Variants in SPPL2B observed in about 807,000 individuals in gnomAD.
SPPL2B encodes the protein signal peptide peptidase like 2B, also known as signal peptide peptidase-like 2B.
SPPL2B carries 39 observed loss-of-function variants against 59.7 expected under a neutral mutation model. The observed-to-expected ratio is 0.65, with a 90% CI of 0.51 to 0.85. The LOEUF is 0.85. Ranked by LOEUF, SPPL2B falls within the 40% of genes least tolerant of loss-of-function variation. The probability of loss-of-function intolerance (pLI) is 0.00; values close to 1 mark genes in which losing one functional copy is unlikely to be tolerated. For missense variants in SPPL2B, 865 were observed against 849.0 expected, an observed-to-expected ratio of 1.02 and a Z score of -0.23; for synonymous variants, 419 against 370.8, an observed-to-expected ratio of 1.13 and a Z score of -1.49.
rs768575382 is a variant in SPPL2B, at chr19:2,337,467, A to T, written c.211A>T (p.Thr71Ser). 1 of 1,608,650 alleles carries T rather than the reference A, an allele frequency of 6.2e-7. No homozygotes were observed. The highest frequency in any genetic ancestry group is 1.7e-5 in the Admixed American group (1 of 59,396). The change falls in exon 3 of 15, where the codon ACG becomes TCG. Residue 71 changes from threonine to serine, a missense_variant. Physicochemically the swap from Thr to Ser is moderately conservative, Grantham distance 58. Coordinates refer to ENST00000613503, the MANE Select transcript of SPPL2B (RefSeq NM_152988.3). ...KASFLQLRNW[T>S]ASLLCSAADL... is the part of the protein sequence containing the mutation. ...GTCTTTCCTGCAGCTGCGCAACTGGACGGCCTCCCTGCTCTGCTCCGCAGC... is the reference window on the plus strand; with the variant it reads ...GTCTTTCCTGCAGCTGCGCAACTGGTCGGCCTCCCTGCTCTGCTCCGCAGC...
chr19:2,338,584 C>T (rs1176078285), intron 3 of SPPL2B, 168 bp from the exon 4 acceptor site: 3 of 575,792 alleles, frequency 5.2e-6, no homozygotes, highest in East Asian at 3.0e-5. Flanking sequence ...TTCTTGGGTC[C>T]TCCTGGGGGG....
chr19:2,346,367 T>C (rs529899226), intron 13 of SPPL2B, among the ~76,000 whole-genome samples: 55 of 152,384 alleles, frequency 3.6e-4, no homozygotes, highest in Admixed American at 7.2e-4. Context: ...ATGATTATCC[T>C]TTAAAATCAC....
intron 8 of SPPL2B, chr19:2,341,741 G>T (rs755322941): frequency 2.5e-6 from 1 of 392,466 alleles, no homozygotes; most frequent in South Asian, 1.8e-5. Flanking sequence ...TGTACACAAA[G>T]AGAAAATGAA....
intron 2 of SPPL2B, among the ~76,000 whole-genome samples, chr19:2,335,067 C>T (rs1049544353): frequency 6.6e-5 from 10 of 152,132 alleles, no homozygotes; most frequent in Admixed American, 6.5e-5. Context: ...GCCCCAGGGA[C>T]GAGACCTGTT....
chr19:2,343,966 C>G lies in SPPL2B; in HGVS notation c.1040C>G (p.Ala347Gly), dbSNP rs1264273946. Reference sequence around the variant, plus strand: ...CGCCCTCAGCCGTGGGCTTCGCAGGCCTGCACGCTGCTGCTGCTGGTGCTG... The same window carrying G: ...CGCCCTCAGCCGTGGGCTTCGCAGGGCTGCACGCTGCTGCTGCTGGTGCTG... Reference protein sequence around the residue: ...LKTIRLPTFKACTLLLLVLFL... With the variant: ...LKTIRLPTFKGCTLLLLVLFL... The change falls in exon 10 of 15, where the codon GCC becomes GGC. Residue 347 changes from alanine (A) to glycine (G), a missense_variant and splice_region_variant. Transcript: ENST00000613503. 2 of 1,547,954 alleles carry G rather than the reference C, an allele frequency of 1.3e-6. No homozygotes were observed. The highest frequency in any genetic ancestry group is 3.9e-5 in the Admixed American group (2 of 50,974).
At chr19:2,351,803 C>A in intron 14 of SPPL2B, 1 of 664,882 alleles carries the variant, frequency 1.5e-6, no homozygotes, top group East Asian at 3.2e-5. Context: ...TGCGGGGGTG[C>A]CAGGTGGGGC....
chr19:2,337,627 T>A lies in SPPL2B; in HGVS notation c.369+2T>A. 1 of 1,563,862 alleles carries A rather than the reference T, an allele frequency of 6.4e-7. No homozygotes were observed. The highest frequency in any genetic ancestry group is 8.7e-7 in the Non-Finnish European group (1 of 1,153,680). On this transcript the variant is annotated splice_donor_variant, in intron 3 of 14. Transcript: ENST00000613503. LOFTEE classifies it high-confidence loss of function. ...CTCATCGTCAGCAGGGAGAGGCTGG[T>A]ACGGCCCTGTGCGTCCCCCGCTGGG... is the stretch of plus-strand genomic sequence containing the variant.
intron 7 of SPPL2B, 23 bp downstream of exon 7, chr19:2,340,195 G>A (rs1968943341): frequency 2.6e-6 from 4 of 1,515,266 alleles, no homozygotes; most frequent in African/African-American, 1.4e-5. Flanking sequence ...TGCTGGCCCC[G>A]ACGTGCCTGA....
At chr19:2,340,646 G>C (rs1968973694) in intron 7 of SPPL2B, 1 of 568,716 alleles carries the variant, frequency 1.8e-6, no homozygotes, top group African/African-American at 1.9e-5. Context: ...CAGGGCCTCG[G>C]GCGAAGGGGC....
Position 2,334,783 on chromosome 19 carries a change from G to A in SPPL2B, c.186+62G>A, listed in dbSNP as rs1384254282. 8 of 1,459,554 alleles carry A rather than the reference G, an allele frequency of 5.5e-6. No homozygotes were observed. The African/African-American group carries it at 1.0e-4, about 18-fold the overall frequency. 90.4% of individuals were successfully genotyped at this position (1,459,554 alleles called of 1,614,324 possible). On this transcript the variant is annotated intron_variant, in intron 2 of 14. Transcript: ENST00000613503. The stretch of plus-strand genomic sequence containing the variant: ...AATGCGGGGGCCCCGGGGCTCTAGA[G>A]ACACATCCGGCTGGGGTTGCAGGAA...
intron 2 of SPPL2B, 176 bp from the exon 3 acceptor site, chr19:2,337,267 G>A: frequency 1.8e-6 from 1 of 559,034 alleles, no homozygotes; most frequent in Non-Finnish European, 3.0e-6. Flanking sequence ...GTCGCCCAGG[G>A]TCCGGCTGTG....
chr19:2,351,318 C>T (rs953854412), intron 13 of SPPL2B, 116 bp from the exon 14 acceptor site: 3 of 803,788 alleles, frequency 3.7e-6, no homozygotes, highest in Non-Finnish European at 6.0e-6. Flanking sequence ...CTGTACCTCT[C>T]CCGTCCTCGC....
intron 2 of SPPL2B, among the ~76,000 whole-genome samples, chr19:2,336,381 G>A (rs1287701149): frequency 2.6e-5 from 4 of 152,002 alleles, no homozygotes; most frequent in African/African-American, 9.7e-5. Context: ...GTGTACATGT[G>A]TAATAGGTCT....
chr19:2,340,498 C>T (rs1372814974), intron 7 of SPPL2B: 11 of 606,050 alleles, frequency 1.8e-5, no homozygotes, highest in Non-Finnish European at 3.3e-5. Flanking sequence ...CAGAGCTTGG[C>T]CTGGCTCTTA....
At chr19:2,334,427 C>T (rs1223356472) in intron 1 of SPPL2B, among the ~76,000 whole-genome samples, 175 bp from the exon 2 acceptor site, 1 of 152,224 alleles carries the variant, frequency 6.6e-6, no homozygotes, top group Non-Finnish European at 1.5e-5. Flanking sequence ...TGCTGTAAAC[C>T]ACGTATGGTC....
intron 2 of SPPL2B, among the ~76,000 whole-genome samples, chr19:2,335,392 G>A (rs1197748700): frequency 8.3e-6 from 1 of 120,996 alleles, no homozygotes; most frequent in Non-Finnish European, 1.7e-5. Context: ...TTCAGGCCCC[G>A]CCTTCTTTCC....
intron 1 of SPPL2B, among the ~76,000 whole-genome samples, chr19:2,329,788 A>T (rs931257639): frequency 1.3e-5 from 2 of 152,142 alleles, no homozygotes; most frequent in African/African-American, 4.8e-5. Context: ...TCGCATCCAG[A>T]TGAGTGCGCC....
intron 3 of SPPL2B, chr19:2,338,346 C>T (rs956050852): frequency 3.0e-5 from 5 of 164,024 alleles, no homozygotes; most frequent in Admixed American, 1.8e-4. Context: ...CGGGCAGAGC[C>T]GAGAGTGCCA....
intron 10 of SPPL2B, 144 bp from the exon 11 acceptor site, chr19:2,344,218 C>T (rs1165413727): frequency 9.3e-6 from 5 of 536,462 alleles, no homozygotes; most frequent in Admixed American, 2.6e-5. Context: ...CACCCCATCA[C>T]CCTGCTCCCC....
Sources: gnomAD v4.1 joint callset for allele counts (sites outside exome capture counted in the v4.1 genomes callset) on GRCh38, gnomAD v4.1.1 for gene constraint, MANE v1.5 for transcripts, NCBI Gene and HGNC (gene_info 2026-07-23, HGNC 2026-07-21) for gene names.